Variants in CTNNA3 observed in about 807,000 individuals in gnomAD.
CTNNA3 encodes catenin alpha 3.
CTNNA3 carries 76 observed loss-of-function variants against 95.7 expected under a neutral mutation model. The ratio of observed to expected loss-of-function variants is 0.79; its 90% CI spans 0.66 to 0.96. The LOEUF (loss-of-function observed/expected upper bound fraction) is 0.96, where lower values mean the gene tolerates loss of function less well. Ranked by LOEUF, CTNNA3 falls within the 40% of genes least tolerant of loss-of-function variation. The pLI, the probability that CTNNA3 is intolerant of heterozygous loss-of-function variation, is 0.00. For synonymous variants in CTNNA3, 431 were observed against 374.4 expected, an observed-to-expected ratio of 1.15 and a Z score of -1.74; for missense variants, 1,191 against 1,089.8, an observed-to-expected ratio of 1.09 and a Z score of -1.31.
At chr10:66,550,704 A>G (rs1842188153) in intron 10 of CTNNA3, among the ~76,000 whole-genome samples, 2 of 149,846 alleles carry the variant, frequency 1.3e-5, no homozygotes, top group African/African-American at 4.9e-5. Flanking sequence ...CTCTATTCCC[A>G]CTTCTTTGTT....
chr10:66,721,041 G>A (rs1389598521), intron 9 of CTNNA3, among the ~76,000 whole-genome samples: 2 of 152,138 alleles, frequency 1.3e-5, no homozygotes, highest in Non-Finnish European at 2.9e-5. Context: ...TTGAGATGGG[G>A]CCACAGACTT....
At chr10:66,436,635 T>G (rs1007139669) in intron 11 of CTNNA3, among the ~76,000 whole-genome samples, 1 of 151,656 alleles carries the variant, frequency 6.6e-6, no homozygotes, top group Non-Finnish European at 1.5e-5. Flanking sequence ...GGGTCTTGAC[T>G]CTTTATCCAA....
intron 5 of CTNNA3, among the ~76,000 whole-genome samples, chr10:67,407,020 A>G (rs1304864546): frequency 6.6e-6 from 1 of 152,168 alleles, no homozygotes; most frequent in Non-Finnish European, 1.5e-5. Context: ...TCCTATTGAA[A>G]CTATTCCAAA....
intron 12 of CTNNA3, among the ~76,000 whole-genome samples, chr10:66,343,237 A>G (rs1407066547): frequency 6.6e-6 from 1 of 152,112 alleles, no homozygotes; most frequent in Non-Finnish European, 1.5e-5. Flanking sequence ...TTTATCCAAA[A>G]GAAATTAAAT....
At chr10:67,288,240 G>C (rs1035415251) in intron 5 of CTNNA3, among the ~76,000 whole-genome samples, 7 of 152,172 alleles carry the variant, frequency 4.6e-5, no homozygotes, top group African/African-American at 1.7e-4. Context: ...TAATCATTAA[G>C]TAAAGTTAAG....
At chr10:66,075,844 T>C (rs192594463) in intron 14 of CTNNA3, among the ~76,000 whole-genome samples, 15 of 151,892 alleles carry the variant, frequency 9.9e-5, no homozygotes, top group African/African-American at 2.9e-4. Context: ...CACAATTTTT[T>C]TTTTGGCTTT....
chr10:67,616,991 T>C (rs1168287252), intron 2 of CTNNA3, among the ~76,000 whole-genome samples: 5 of 152,192 alleles, frequency 3.3e-5, no homozygotes, highest in Non-Finnish European at 5.9e-5. Context: ...TTAGGTGTAG[T>C]ATTTCTCAGG....
chr10:66,393,326 G>A (rs569779903), intron 11 of CTNNA3, among the ~76,000 whole-genome samples: 15 of 152,074 alleles, frequency 9.9e-5, no homozygotes, highest in Non-Finnish European at 1.9e-4. Context: ...AAAATCCATA[G>A]AATTTACAAC....
intron 6 of CTNNA3, among the ~76,000 whole-genome samples, chr10:67,191,641 A>C (rs1447051550): frequency 1.3e-5 from 2 of 152,004 alleles, no homozygotes; most frequent in Non-Finnish European, 2.9e-5. Context: ...TTCATGGATT[A>C]AAATAATTAG....
At chr10:65,968,092 T>C (rs1403441875) in intron 16 of CTNNA3, among the ~76,000 whole-genome samples, 1 of 152,208 alleles carries the variant, frequency 6.6e-6, no homozygotes, top group Non-Finnish European at 1.5e-5. Context: ...ATTGTGTGTA[T>C]TTAAAACATG....
intron 17 of CTNNA3, among the ~76,000 whole-genome samples, chr10:65,956,972 A>G (rs910332308): frequency 6.6e-6 from 1 of 151,472 alleles, no homozygotes; most frequent in Non-Finnish European, 1.5e-5. Flanking sequence ...TGATGTGTCT[A>G]ATGTTGACAG....
At chr10:66,693,901 C>A (rs1053440831) in intron 9 of CTNNA3, among the ~76,000 whole-genome samples, 3 of 152,046 alleles carry the variant, frequency 2.0e-5, no homozygotes, top group African/African-American at 7.2e-5. Context: ...TAAAGATGTT[C>A]TTTGAAACCA....
intron 7 of CTNNA3, among the ~76,000 whole-genome samples, chr10:66,834,029 G>T (rs541687020): frequency 4.6e-5 from 7 of 152,244 alleles, no homozygotes; most frequent in African/African-American, 1.7e-4. Flanking sequence ...ACAATAGGGT[G>T]TATTGTTCCC....
intron 10 of CTNNA3, among the ~76,000 whole-genome samples, chr10:66,606,413 C>T (rs968884438): frequency 3.3e-5 from 5 of 152,080 alleles, no homozygotes; most frequent in Admixed American, 1.3e-4. Flanking sequence ...CTGGATCAAA[C>T]GGACCTGAGA....
intron 7 of CTNNA3, among the ~76,000 whole-genome samples, chr10:66,778,155 T>C (rs1388794318): frequency 1.3e-5 from 2 of 152,176 alleles, no homozygotes; most frequent in African/African-American, 4.8e-5. Flanking sequence ...TCTCCCTTGA[T>C]CCCCTATCCC....
At chr10:66,697,196 G>A (rs567834967) in intron 9 of CTNNA3, among the ~76,000 whole-genome samples, 5 of 150,016 alleles carry the variant, frequency 3.3e-5, no homozygotes, top group Non-Finnish European at 7.4e-5. Flanking sequence ...TTTTATTATA[G>A]AAATATATAT....
At chr10:67,248,650 C>A (rs1865993894) in intron 5 of CTNNA3, among the ~76,000 whole-genome samples, 1 of 152,096 alleles carries the variant, frequency 6.6e-6, no homozygotes. Flanking sequence ...TGGTCGCAAA[C>A]TCCTGGGCTC....
In CTNNA3 at chr10:65,918,513, T is replaced by A. The variant is rs1348513452; in HGVS notation, c.*1817A>T. 6.6e-6 allele frequency: 1 copy of A among 152,192 alleles called. No individual in the cohort carries two copies. Among genetic ancestry groups the A allele is most frequent in the Admixed American group, 6.5e-5 (1 of 15,278 alleles). 9.4% of individuals were successfully genotyped at this position (152,192 alleles called of 1,614,324 possible). A position where few individuals can be genotyped will look rare whatever the true frequency, so the allele number is the denominator to read the frequency against. ...CAGCATTTCAATAAAAGAAAATCTCTATTTGCCTCAATCATCTAGATAATT... is the reference window on the plus strand; with the variant it reads ...CAGCATTTCAATAAAAGAAAATCTCAATTTGCCTCAATCATCTAGATAATT... On this transcript the variant is annotated 3_prime_UTR_variant, in exon 18 of 18. Transcript: ENST00000433211.
chr10:66,449,380 C>G (rs1292913128), intron 11 of CTNNA3, among the ~76,000 whole-genome samples: 1 of 152,002 alleles, frequency 6.6e-6, no homozygotes, highest in Non-Finnish European at 1.5e-5. Context: ...GGAACGAACA[C>G]GTCAAATACC....
Sources: gnomAD v4.1 joint callset for allele counts (sites outside exome capture counted in the v4.1 genomes callset) on GRCh38, gnomAD v4.1.1 for gene constraint, MANE v1.5 for transcripts, NCBI Gene and HGNC (gene_info 2026-07-23, HGNC 2026-07-21) for gene names.